ITPR2: variants seen among roughly 807,000 people sequenced by gnomAD.
ITPR2 encodes inositol 1,4,5-trisphosphate-gated calcium channel ITPR2.
Under a neutral mutation model 317.1 loss-of-function variants are expected in ITPR2, and 207 were observed. That is an observed-to-expected ratio of 0.65 (90% confidence interval 0.58 to 0.73). The LOEUF is 0.73. Ranked by LOEUF, ITPR2 falls within the 30% of genes least tolerant of loss-of-function variation. ITPR2 has a pLI of 0.00. For synonymous variants in ITPR2, 1,156 were observed against 1,149.1 expected (o/e 1.01, Z -0.12); for missense variants, 2,613 against 3,284.0 (o/e 0.80, Z 4.99).
intron 1 of ITPR2, among the ~76,000 whole-genome samples, chr12:26,816,514 C>T (rs1950855231): frequency 6.6e-6 from 1 of 152,170 alleles, no homozygotes; most frequent in Non-Finnish European, 1.5e-5. Context: ...TTCATTCCCT[C>T]AACATACTTC....
chr12:26,572,996 CATTTATTTATTTATTT>C (rs369855705), intron 34 of ITPR2, among the ~76,000 whole-genome samples: 56 of 149,590 alleles, frequency 3.7e-4, no homozygotes, highest in East Asian at 2.0e-3. Context: ...ACTTGGATTT[CATTTATTTATTTATTT>C]ATTTATTTAT....
chr12:26,449,886 C>T (rs1941698614), intron 45 of ITPR2, among the ~76,000 whole-genome samples: 1 of 152,178 alleles, frequency 6.6e-6, no homozygotes, highest in Admixed American at 6.6e-5. Flanking sequence ...ATCTTATCTC[C>T]TGGTACCTAT....
At chr12:26,695,538 T>C in intron 10 of ITPR2, 68 bp downstream of exon 10, 3 of 1,332,672 alleles carry the variant, frequency 2.3e-6, no homozygotes, top group Non-Finnish European at 3.2e-6. Context: ...CTATTAAAAT[T>C]CCAATCTATC....
At chr12:26,593,102 G>C (rs954463061) in intron 32 of ITPR2, among the ~76,000 whole-genome samples, 1 of 152,168 alleles carries the variant, frequency 6.6e-6, no homozygotes, top group East Asian at 1.9e-4. Context: ...GTCTGGACTC[G>C]AACTCTGGTC....
chr12:26,809,006 T>A (rs992238888), intron 1 of ITPR2, among the ~76,000 whole-genome samples: 2 of 152,122 alleles, frequency 1.3e-5, no homozygotes, highest in Admixed American at 1.3e-4. Context: ...TTCATTTGAG[T>A]GGGTGGTGAA....
At chr12:26,462,998 C>A (rs767631619) in intron 45 of ITPR2, among the ~76,000 whole-genome samples, 7 of 152,094 alleles carry the variant, frequency 4.6e-5, no homozygotes, top group Non-Finnish European at 1.0e-4. Flanking sequence ...TCGTTTATGT[C>A]TGAGCAGGAA....
intron 5 of ITPR2, among the ~76,000 whole-genome samples, chr12:26,718,033 A>G (rs1948770864): frequency 6.6e-6 from 1 of 152,220 alleles, no homozygotes; most frequent in Non-Finnish European, 1.5e-5. Context: ...CCAGTGCTGC[A>G]TCTGTTCTTC....
At chr12:26,823,236 T>C (rs538771804) in intron 1 of ITPR2, among the ~76,000 whole-genome samples, 1 of 152,298 alleles carries the variant, frequency 6.6e-6, no homozygotes, top group East Asian at 1.9e-4. Context: ...AAAAAATTAC[T>C]ACAATAATTG....
In ITPR2 at chr12:26,766,003, C is replaced by T. The variant is rs1472816656; in HGVS notation, c.163+24154G>A. Among the ~76,000 whole-genome samples the T allele has an allele frequency of 2.0e-5, 3 of 152,134 alleles. No homozygotes were observed. In the South Asian group the frequency reaches 6.2e-4, roughly 32 times the overall value. ...TTACATCTTATGGCTAAATAATGTT[C>T]CACTGTAGGGATATATCGTATTGTG... On this transcript the variant is annotated intron_variant, in intron 2 of 56. Transcript: ENST00000381340.
At chr12:26,657,208 C>A (rs1054499084) in intron 18 of ITPR2, among the ~76,000 whole-genome samples, 1 of 152,234 alleles carries the variant, frequency 6.6e-6, no homozygotes, top group South Asian at 2.1e-4. Context: ...CCACCAGGAA[C>A]TGCCTTCAGT....
intron 45 of ITPR2, among the ~76,000 whole-genome samples, chr12:26,459,536 T>C (rs1236748770): frequency 1.3e-5 from 2 of 152,242 alleles, no homozygotes; most frequent in Non-Finnish European, 2.9e-5. Flanking sequence ...ATGGGTCTGG[T>C]TTACAGCTGC....
intron 2 of ITPR2, among the ~76,000 whole-genome samples, chr12:26,759,919 T>C (rs1323647445): frequency 6.6e-6 from 1 of 152,178 alleles, no homozygotes; most frequent in Non-Finnish European, 1.5e-5. Flanking sequence ...AAGAAAGAGA[T>C]GGAAAATGTA....
intron 15 of ITPR2, among the ~76,000 whole-genome samples, chr12:26,661,275 T>A (rs984388458): frequency 0.01 from 90 of 8,964 alleles, no homozygotes; most frequent in African/African-American, 0.035. Flanking sequence ...GGTGTGTGTG[T>A]GGGGGGGGGG....
At chr12:26,768,103 TG>T (rs1331253562) in intron 2 of ITPR2, among the ~76,000 whole-genome samples, 1 of 152,210 alleles carries the variant, frequency 6.6e-6, no homozygotes, top group Non-Finnish European at 1.5e-5. Context: ...TCCCCATAGC[TG>T]AACTAAGCTT....
At chr12:26,629,184 G>A (rs749994511) in intron 22 of ITPR2, among the ~76,000 whole-genome samples, 54 of 152,038 alleles carry the variant, frequency 3.6e-4, no homozygotes, top group African/African-American at 1.3e-3. Context: ...TCCTCTCTCC[G>A]GTTCTAACAG....
chr12:26,782,198 A>G (rs553344755), intron 2 of ITPR2, among the ~76,000 whole-genome samples: 6 of 151,878 alleles, frequency 4.0e-5, no homozygotes, highest in African/African-American at 1.2e-4. Flanking sequence ...AACGCTGACT[A>G]ACAGAGGTTG....
At chr12:26,515,167 G>T (rs1029966798) in intron 37 of ITPR2, among the ~76,000 whole-genome samples, 4 of 152,140 alleles carry the variant, frequency 2.6e-5, no homozygotes, top group African/African-American at 9.7e-5. Context: ...TAAATCAAAA[G>T]ATATAGGGAG....
chr12:26,489,363 G>T (rs1942746971), intron 39 of ITPR2, among the ~76,000 whole-genome samples: 1 of 152,172 alleles, frequency 6.6e-6, no homozygotes, highest in Non-Finnish European at 1.5e-5. Flanking sequence ...ATGATGCAGG[G>T]AGAATCCTCA....
intron 2 of ITPR2, among the ~76,000 whole-genome samples, chr12:26,746,864 G>A (rs1949334740): frequency 6.6e-6 from 1 of 152,084 alleles, no homozygotes. Flanking sequence ...ATGTTAGGGA[G>A]TGTTATTTTG....
Sources: gnomAD v4.1 joint callset for allele counts (sites outside exome capture counted in the v4.1 genomes callset) on GRCh38, gnomAD v4.1.1 for gene constraint, MANE v1.5 for transcripts, NCBI Gene and HGNC (gene_info 2026-07-23, HGNC 2026-07-21) for gene names.